DCUN1D3: variants seen among roughly 807,000 people sequenced by gnomAD.
DCUN1D3 encodes DCN1-like protein 3.
In DCUN1D3, 6 loss-of-function variants were observed where a neutral mutation model predicts 24.8. The observed-to-expected ratio is 0.24, with a 90% CI of 0.13 to 0.48. The LOEUF (loss-of-function observed/expected upper bound fraction) is 0.48. Among genes scored for constraint, DCUN1D3 ranks in the 20% least tolerant of loss-of-function variants. The pLI, the probability that DCUN1D3 is intolerant of heterozygous loss-of-function variation, is 0.99. For missense variants in DCUN1D3, 258 were observed against 379.4 expected (o/e 0.68, Z 2.66); for synonymous variants, 120 against 144.9 (o/e 0.83, Z 1.24).
intron 1 of DCUN1D3, among the ~76,000 whole-genome samples, chr16:20,874,350 G>C (rs1397766350): frequency 6.6e-6 from 1 of 152,200 alleles, no homozygotes; most frequent in East Asian, 1.9e-4. Flanking sequence ...TGACTAACTG[G>C]CTACAAGAAT....
rs1254750153 is a variant in DCUN1D3 at position 20,860,610 on chromosome 16, T to C, written c.432-241A>G. ...CTTCTAACAGTGCCTGGCACACGGT[T>C]GGCAGCTGATAATGGTTCATTTATT... On this transcript the variant is annotated intron_variant, in intron 2 of 2. Coordinates refer to ENST00000324344, the MANE Select transcript of DCUN1D3 (RefSeq NM_173475.4). This position sits in a 1 kb window ranked among gnomAD's most constrained non-coding sequence, Gnocchi z 4.3. Among the ~76,000 whole-genome samples the C allele has an allele frequency of 6.6e-6, 1 of 152,166 alleles. No homozygotes were observed. Among genetic ancestry groups the C allele is most frequent in the Non-Finnish European group, 1.5e-5 (1 of 68,020 alleles).
intron 1 of DCUN1D3, among the ~76,000 whole-genome samples, chr16:20,871,693 G>C (rs1483726370): frequency 6.6e-6 from 1 of 152,070 alleles, no homozygotes; most frequent in African/African-American, 2.4e-5. Flanking sequence ...TGGTCTCTGG[G>C]CTTCCAAACT....
At chr16:20,888,695 T>A (rs781333053) in intron 1 of DCUN1D3, among the ~76,000 whole-genome samples, 1 of 151,994 alleles carries the variant, frequency 6.6e-6, no homozygotes, top group East Asian at 1.9e-4. Context: ...GCTTAAGTGA[T>A]CCTCCCTGGC....
In DCUN1D3 at chr16:20,896,144, G is replaced by A. The variant is rs907498648; in HGVS notation, c.-106+4060C>T. On this transcript the variant is annotated intron_variant, in intron 1 of 2. Transcript: ENST00000324344. The stretch of plus-strand genomic sequence containing the variant: ...TAGGCTAGGCTAAGCTATGATGTTC[G>A]GTAGGTGAGGTATATTAAATGCATT... Among the ~76,000 whole-genome samples, 17 of 152,144 alleles carry A rather than the reference G, an allele frequency of 1.1e-4. 1 individual carries two copies. In the South Asian group the frequency reaches 2.5e-3, roughly 22 times the overall value.
In DCUN1D3 at chr16:20,868,181, A is replaced by G. The variant is rs1435954298; in HGVS notation, c.-105-5538T>C. ...TCCTCCCCATCACTGCCACCTCTGA[A>G]GTGGACAGCCTCAGCACAATCTGGA... On this transcript the variant is annotated intron_variant, in intron 1 of 2. Coordinates refer to ENST00000324344, the MANE Select transcript of DCUN1D3 (RefSeq NM_173475.4). 2.0e-5 allele frequency among the ~76,000 whole-genome samples: 3 copies of G among 152,346 alleles called. No homozygotes were observed. The East Asian group carries it at 5.8e-4, about 29-fold the overall frequency.
intron 1 of DCUN1D3, among the ~76,000 whole-genome samples, chr16:20,882,628 A>G (rs1041648579): frequency 3.3e-5 from 5 of 152,200 alleles, no homozygotes; most frequent in Non-Finnish European, 5.9e-5. Context: ...CTTATGTTCC[A>G]ACCAGACAAT....
chr16:20,870,775 A>C (rs2081784369), intron 1 of DCUN1D3, among the ~76,000 whole-genome samples: 2 of 152,208 alleles, frequency 1.3e-5, no homozygotes, highest in Non-Finnish European at 2.9e-5. Context: ...CATCTTTTCA[A>C]CTTTCATCTA....
At chr16:20,891,076 C>T (rs2081890190) in intron 1 of DCUN1D3, among the ~76,000 whole-genome samples, 3 of 151,872 alleles carry the variant, frequency 2.0e-5, no homozygotes, top group Admixed American at 2.0e-4. Flanking sequence ...TCACTGCAAT[C>T]TCTGCCACCA....
chr16:20,879,251 A>G (rs1019934714), intron 1 of DCUN1D3, among the ~76,000 whole-genome samples: 1 of 152,204 alleles, frequency 6.6e-6, no homozygotes, highest in African/African-American at 2.4e-5. Flanking sequence ...AGTGAGTCAT[A>G]AAAAATAGTA....
At chr16:20,883,107 T>G (rs924961185) in intron 1 of DCUN1D3, among the ~76,000 whole-genome samples, 1 of 152,218 alleles carries the variant, frequency 6.6e-6, no homozygotes, top group African/African-American at 2.4e-5. Flanking sequence ...TCTGAAATTC[T>G]TCAATGAGCA....
At position 20,860,204 on chromosome 16, in the gene DCUN1D3, T is replaced by C; in HGVS notation, c.597A>G (p.Ser199=). ...GGGCAATGGCTATTTCCCGATGCAG[T>C]GACCGCTGCCCTTCTTCAGAGTCCA... ...FGLDSEEGQR[S]LHREIAIALW... The change falls in exon 3 of 3, where the codon TCA becomes TCG. Residue 199 remains serine, a synonymous_variant. Transcript: ENST00000324344. The surrounding 1 kb of genome is among the most constrained non-coding windows in gnomAD (Gnocchi z 4.3). 6.2e-7 allele frequency: 1 copy of C among 1,614,232 alleles called. No homozygotes were observed. Among genetic ancestry groups the C allele is most frequent in the South Asian group, 1.1e-5 (1 of 91,084 alleles).
chr16:20,876,757 A>G (rs978456750), intron 1 of DCUN1D3, among the ~76,000 whole-genome samples: 3 of 152,224 alleles, frequency 2.0e-5, no homozygotes, highest in African/African-American at 7.2e-5. Context: ...ACACAATGGA[A>G]TATTATTCAG....
chr16:20,898,776 C>A (rs1432599813), intron 1 of DCUN1D3, among the ~76,000 whole-genome samples: 2 of 152,198 alleles, frequency 1.3e-5, no homozygotes, highest in African/African-American at 2.4e-5. Flanking sequence ...TCTTAAAGTT[C>A]TTCAGAAAAC....
At chr16:20,874,289 A>G (rs2081803534) in intron 1 of DCUN1D3, among the ~76,000 whole-genome samples, 1 of 152,224 alleles carries the variant, frequency 6.6e-6, no homozygotes, top group Non-Finnish European at 1.5e-5. Flanking sequence ...GAAAGCTGTC[A>G]AATTCCATTA....
chr16:20,856,205 G>A lies in DCUN1D3; in HGVS notation c.*3681C>T, dbSNP rs1035027452. 2 of 151,962 alleles carry A rather than the reference G, an allele frequency of 1.3e-5. No individual in the cohort carries two copies. The highest frequency in any genetic ancestry group is 1.3e-4 in the Admixed American group (2 of 15,266). The allele number at this position is 151,962 out of a possible 1,614,324, so 9.4% of individuals were successfully genotyped here. ...ATTGTGGTTTTTGCCATACTTAATG[G>A]CAATACATTAAGTATGGCAAAAACT... On this transcript the variant is annotated 3_prime_UTR_variant, in exon 3 of 3. Transcript: ENST00000324344.
chr16:20,871,354 A>C (rs2081787213), intron 1 of DCUN1D3, among the ~76,000 whole-genome samples: 1 of 152,222 alleles, frequency 6.6e-6, no homozygotes, highest in African/African-American at 2.4e-5. Context: ...GTGCAAAAGA[A>C]AAGAGGGAGG....
In DCUN1D3 at chr16:20,858,222, C is replaced by CT; in HGVS notation, c.*1663dup. On this transcript the variant is annotated 3_prime_UTR_variant, in exon 3 of 3. Coordinates refer to ENST00000324344, the MANE Select transcript of DCUN1D3 (RefSeq NM_173475.4). ...AATGGAAAAATAACAGGAGGACCCT[C>CT]TAACTGAAACCAGGTAGGCCCAGAG... The CT allele has an allele frequency of 6.6e-6, 1 of 152,626 alleles. No individual in the cohort carries two copies. Among genetic ancestry groups the CT allele is most frequent in the Non-Finnish European group, 1.5e-5 (1 of 68,044 alleles). The allele number at this position is 152,626 out of a possible 1,614,324, so 9.5% of individuals were successfully genotyped here.
intron 1 of DCUN1D3, among the ~76,000 whole-genome samples, chr16:20,886,853 T>C (rs1174136183): frequency 1.3e-5 from 2 of 152,242 alleles, no homozygotes; most frequent in Non-Finnish European, 2.9e-5. Context: ...TATTATGGAA[T>C]GAAACATTGC....
At chr16:20,894,967 T>C (rs544835593) in intron 1 of DCUN1D3, among the ~76,000 whole-genome samples, 4 of 152,276 alleles carry the variant, frequency 2.6e-5, no homozygotes, top group East Asian at 1.9e-4. Context: ...AGGTTCTACA[T>C]TGGCAGATTC....
Sources: gnomAD v4.1 joint callset for allele counts (sites outside exome capture counted in the v4.1 genomes callset) on GRCh38, gnomAD v4.1.1 for gene constraint, Gnocchi (gnomAD v3.1) non-coding constraint, MANE v1.5 for transcripts, NCBI Gene and HGNC (gene_info 2026-07-23, HGNC 2026-07-21) for gene names.